The following MTAP variants were observed in gnomAD, a reference collection of about 807,000 sequenced individuals.
MTAP encodes the protein methylthioadenosine phosphorylase.
MTAP carries 33 observed loss-of-function variants against 33.6 expected under a neutral mutation model. The observed-to-expected ratio is 0.98, with a 90% CI of 0.74 to 1.31. MTAP has a LOEUF of 1.31. Among genes scored for constraint, MTAP ranks in the 40% most tolerant of loss-of-function variants. The pLI is 0.00. For synonymous variants in MTAP, 148 were observed against 125.7 expected (o/e 1.18, Z -1.19); for missense variants, 367 against 360.0 (o/e 1.02, Z -0.16).
At chr9:21,904,332 G>A (rs566583354) in intron 1 of MTAP, among the ~76,000 whole-genome samples, 1 of 152,312 alleles carries the variant, frequency 6.6e-6, no homozygotes, top group South Asian at 2.1e-4. Flanking sequence ...CATTTGCGCA[G>A]GAAAACAAAA....
intron 5 of MTAP, among the ~76,000 whole-genome samples, 170 bp from the exon 6 acceptor site, chr9:21,854,459 AAC>A (rs1255536335): frequency 8.5e-5 from 13 of 152,330 alleles, no homozygotes; most frequent in African/African-American, 3.1e-4. Flanking sequence ...GGGTCCAGGA[AAC>A]ACCCTTCTGT....
At chr9:21,839,422 G>C (rs1467536890) in intron 5 of MTAP, among the ~76,000 whole-genome samples, 1 of 152,118 alleles carries the variant, frequency 6.6e-6, no homozygotes, top group Non-Finnish European at 1.5e-5. Flanking sequence ...ATGAATCTGA[G>C]GTCAGTTCTC....
chr9:21,924,882 C>A (rs1475843915), intron 1 of MTAP, among the ~76,000 whole-genome samples: 1 of 152,220 alleles, frequency 6.6e-6, no homozygotes, highest in African/African-American at 2.4e-5. Context: ...AGGATCCTGA[C>A]AAATGCATCA....
intron 1 of MTAP, chr9:21,893,479 AAAAT>A (rs1262303703): frequency 1.3e-5 from 2 of 152,194 alleles, no homozygotes; most frequent in African/African-American, 4.8e-5. Flanking sequence ...GTTTTCTGAA[AAAAT>A]AAATAAGATT....
At position 21,865,053 on chromosome 9, in the gene MTAP, C is replaced by T. The variant is rs1397719119; in HGVS notation, c.*3039C>T. On this transcript the variant is annotated 3_prime_UTR_variant, in exon 8 of 8. Coordinates refer to ENST00000644715, the MANE Select transcript of MTAP (RefSeq NM_002451.4). Reference sequence around the variant, plus strand: ...GTCACGAAATGAGGAGTTCTTGCCACATTTGCAGAGTCCCTCCTTGATAAG... The same window carrying T: ...GTCACGAAATGAGGAGTTCTTGCCATATTTGCAGAGTCCCTCCTTGATAAG... 3 of 985,320 alleles carry T rather than the reference C, an allele frequency of 3.0e-6. No homozygotes were observed. The highest frequency in any genetic ancestry group is 6.1e-5 in the Admixed American group (1 of 16,266). 61.0% of individuals were successfully genotyped at this position (985,320 alleles called of 1,614,324 possible).
chr9:21,831,089 G>C (rs995971794), intron 4 of MTAP, among the ~76,000 whole-genome samples: 1 of 152,076 alleles, frequency 6.6e-6, no homozygotes, highest in Admixed American at 6.5e-5. Context: ...GTTCTTGTTA[G>C]ATACCTTTGC....
chr9:21,893,838 C>T (rs943704377), intron 1 of MTAP: 3 of 148,692 alleles, frequency 2.0e-5, no homozygotes, highest in Non-Finnish European at 4.5e-5. Flanking sequence ...AAGGTATTAC[C>T]AATCCTACTG....
In MTAP at chr9:21,905,066, T is replaced by C. The variant is rs144194110; in HGVS notation, c.148-25942T>C. Among the ~76,000 whole-genome samples the C allele has an allele frequency of 7.2e-3, 1,099 of 152,314 alleles. 8 individuals are homozygous for C. The highest frequency in any genetic ancestry group is 0.02 in the Middle Eastern group (6 of 294). ...CCAGTGGGCGTGTGTTACAGTGTGCTCTTTTAGTTTTGCCATCTGCAGGCA... is the reference window on the plus strand; with the variant it reads ...CCAGTGGGCGTGTGTTACAGTGTGCCCTTTTAGTTTTGCCATCTGCAGGCA... On this transcript the variant is annotated intron_variant, in intron 1 of 1. Transcript: ENST00000577563.
rs1263085411 is a variant in MTAP, at chr9:21,922,494, GTC to G, written c.148-8509_148-8508del. 1.3e-5 allele frequency among the ~76,000 whole-genome samples: 2 copies of G among 151,866 alleles called. No individual in the cohort carries two copies. Among genetic ancestry groups the G allele is most frequent in the Non-Finnish European group, 2.9e-5 (2 of 68,002 alleles). On this transcript the variant is annotated intron_variant, in intron 1 of 1. Coordinates refer to the MTAP transcript ENST00000577563. The surrounding 1 kb of genome is among the most constrained non-coding windows in gnomAD (Gnocchi z 4.8). Reference sequence around the variant, plus strand: ...TACTTCTGCTCAAAAACTTGCCTTGGTCTCTCACTCTCGCTTATGCCCCTCAG... The same window carrying G: ...TACTTCTGCTCAAAAACTTGCCTTGGTCTCACTCTCGCTTATGCCCCTCAG...
chr9:21,812,303 CT>C, intron 1 of MTAP: 1 of 208,420 alleles, frequency 4.8e-6, no homozygotes, highest in Admixed American at 4.7e-5. Flanking sequence ...GTGTGGGCAG[CT>C]TTAGGGTTCT....
intron 4 of MTAP, among the ~76,000 whole-genome samples, chr9:21,828,022 T>A (rs373367691): frequency 1.2e-4 from 19 of 152,326 alleles, no homozygotes; most frequent in East Asian, 7.7e-4. Flanking sequence ...TCCCAGATCT[T>A]TTACTCACAT....
chr9:21,931,359 G>A (rs570465853), downstream of MTAP: 7 of 522,730 alleles, frequency 1.3e-5, no homozygotes, highest in African/African-American at 1.2e-4. Flanking sequence ...AGTAAGGGAG[G>A]AGAGACCCCC....
downstream of MTAP, chr9:21,934,998 C>T (rs182044587): frequency 6.6e-6 from 1 of 152,032 alleles, no homozygotes; most frequent in Non-Finnish European, 1.5e-5. This position sits in a 1 kb window ranked among gnomAD's most constrained non-coding sequence, Gnocchi z 5.0. Flanking sequence ...CAAGCCCGGC[C>T]TTAACTTTTT....
At chr9:21,856,842 G>A (rs1216863959) in intron 6 of MTAP, among the ~76,000 whole-genome samples, 1 of 152,186 alleles carries the variant, frequency 6.6e-6, no homozygotes, top group African/African-American at 2.4e-5. Flanking sequence ...TCAGATTTGA[G>A]TTGCTCCATT....
At chr9:21,809,057 G>A in intron 1 of MTAP, 1 of 152,196 alleles carries the variant, frequency 6.6e-6, no homozygotes, top group East Asian at 1.9e-4. Context: ...GCCTTTTTCA[G>A]CTTCTGGAGG....
intron 5 of MTAP, among the ~76,000 whole-genome samples, chr9:21,853,521 A>T (rs1825564636): frequency 6.6e-6 from 1 of 152,166 alleles, no homozygotes; most frequent in African/African-American, 2.4e-5. Context: ...TTTTTAAGGA[A>T]ATAGGTTAAT....
chr9:21,863,090 G>C lies in MTAP; in HGVS notation c.*1076G>C. On this transcript the variant is annotated 3_prime_UTR_variant, in exon 8 of 8. Coordinates refer to ENST00000644715, the MANE Select transcript of MTAP (RefSeq NM_002451.4). ...TCTGTACAGTCAGAACAGTACTTGG[G>C]TTTGCAACAGCTTTCTGAGAAAAGC... The C allele has an allele frequency of 2.0e-6, 2 of 985,216 alleles. No individual in the cohort carries two copies. The highest frequency in any genetic ancestry group is 2.4e-6 in the Non-Finnish European group (2 of 829,800). 61.0% of individuals were successfully genotyped at this position (985,216 alleles called of 1,614,324 possible).
At chr9:21,940,795 G>A (rs2131063116), downstream of MTAP, among the ~76,000 whole-genome samples, 1 of 152,314 alleles carries the variant, frequency 6.6e-6, no homozygotes, top group Non-Finnish European at 1.5e-5. Flanking sequence ...CACCAACCCA[G>A]AAGCTCTCTG....
At chr9:21,926,606 C>G (rs918074541) in intron 1 of MTAP, among the ~76,000 whole-genome samples, 16 of 152,270 alleles carry the variant, frequency 1.1e-4, no homozygotes, top group Non-Finnish European at 2.1e-4. Flanking sequence ...AGTACTTCCG[C>G]AAGGTTCCAG....
Sources: allele counts gnomAD v4.1 joint callset (sites outside exome capture counted in the v4.1 genomes callset), GRCh38; gene constraint gnomAD v4.1.1; non-coding constraint Gnocchi (gnomAD v3.1); transcripts MANE v1.5; gene names NCBI Gene and HGNC (gene_info 2026-07-23, HGNC 2026-07-21).